Variants in ABCB1 observed in about 807,000 individuals in gnomAD.
ABCB1 encodes ATP-dependent translocase ABCB1.
A neutral mutation model predicts 142.0 loss-of-function variants in ABCB1; 69 were observed. The observed-to-expected ratio is 0.49, with a 90% CI of 0.40 to 0.59. The LOEUF is 0.59. ABCB1 is among the 20% of genes least tolerant of loss of function. The pLI, the probability that ABCB1 is intolerant of heterozygous loss-of-function variation, is 0.00. For missense variants in ABCB1, 1,326 were observed against 1,554.7 expected (o/e 0.85, Z 2.47); for synonymous variants, 532 against 539.2 (o/e 0.99, Z 0.18).
At chr7:87,549,559 C>A (rs1239586220) in intron 13 of ABCB1, 41 bp from the exon 14 acceptor site, 3 of 1,613,872 alleles carry the variant, frequency 1.9e-6, no homozygotes, top group Non-Finnish European at 2.5e-6. Flanking sequence ...TAAGGACAAG[C>A]TATCTCAGCT....
chr7:87,541,659 C>T (rs1257993218), intron 17 of ABCB1, among the ~76,000 whole-genome samples, 195 bp from the exon 18 acceptor site: 1 of 152,174 alleles, frequency 6.6e-6, no homozygotes, highest in East Asian at 1.9e-4. Flanking sequence ...ATAGGTCTAT[C>T]ATTCATAAAT....
chr7:87,695,219 G>A (rs542867802), intron 1 of ABCB1, among the ~76,000 whole-genome samples: 1 of 151,922 alleles, frequency 6.6e-6, no homozygotes, highest in Non-Finnish European at 1.5e-5. Context: ...GTTAGAAAAT[G>A]GATCAGTGTC....
At chr7:87,515,676 C>T (rs548302947) in intron 24 of ABCB1, among the ~76,000 whole-genome samples, 112 of 152,134 alleles carry the variant, frequency 7.4e-4, no homozygotes, top group African/African-American at 2.6e-3. Flanking sequence ...CTGCAACCTC[C>T]ACCCCCCAGG....
At chr7:87,636,924 T>C (rs573543885) in intron 1 of ABCB1, among the ~76,000 whole-genome samples, 1 of 152,298 alleles carries the variant, frequency 6.6e-6, no homozygotes, top group Non-Finnish European at 1.5e-5. Flanking sequence ...CTTACAAGCA[T>C]GGTGGAAGGG....
At chr7:87,542,949 A>G (rs1029112180) in intron 17 of ABCB1, among the ~76,000 whole-genome samples, 2 of 152,216 alleles carry the variant, frequency 1.3e-5, no homozygotes, top group African/African-American at 4.8e-5. Context: ...CATATACTCT[A>G]CAGAATCAGA....
In ABCB1 at chr7:87,648,711, A is replaced by G. The variant is rs28746499; in HGVS notation, c.-330-47633T>C. Among the ~76,000 whole-genome samples, 452 of 152,258 alleles carry G rather than the reference A, an allele frequency of 3.0e-3. 2 individuals carry two copies. Among genetic ancestry groups the G allele is most frequent in the African/African-American group, 0.01 (436 of 41,566 alleles). On this transcript the variant is annotated intron_variant, in intron 1 of 28. Transcript: ENST00000265724. ...GTTTTAGTATTTTTTATTTCCCGATATAACTGGTTGTAAGAAAGTTTTTAA... is the reference window on the plus strand; with the variant it reads ...GTTTTAGTATTTTTTATTTCCCGATGTAACTGGTTGTAAGAAAGTTTTTAA...
intron 8 of ABCB1, among the ~76,000 whole-genome samples, chr7:87,557,273 C>T (rs1157709317): frequency 2.6e-5 from 4 of 152,044 alleles, no homozygotes; most frequent in Non-Finnish European, 5.9e-5. Context: ...CAGCTGAAAA[C>T]CTAGAGCCCT....
At chr7:87,630,989 AATT>A (rs1304454142) in intron 1 of ABCB1, among the ~76,000 whole-genome samples, 11 of 152,176 alleles carry the variant, frequency 7.2e-5, no homozygotes, top group Non-Finnish European at 1.2e-4. Flanking sequence ...TAATTTACAT[AATT>A]ATTATTTTCT....
At chr7:87,709,744 T>C (rs1465588778) in intron 1 of ABCB1, among the ~76,000 whole-genome samples, 1 of 152,204 alleles carries the variant, frequency 6.6e-6, no homozygotes, top group East Asian at 1.9e-4. Context: ...ATACTGCCAT[T>C]GCAGTGTTTC....
intron 3 of ABCB1, among the ~76,000 whole-genome samples, chr7:87,595,059 G>T (rs1377977347): frequency 6.6e-6 from 1 of 152,030 alleles, no homozygotes; most frequent in Admixed American, 6.6e-5. Flanking sequence ...CATTAACTAG[G>T]CAGAGGTTGC....
chr7:87,654,966 A>G (rs1364154113), intron 1 of ABCB1, among the ~76,000 whole-genome samples: 1 of 152,112 alleles, frequency 6.6e-6, no homozygotes, highest in Non-Finnish European at 1.5e-5. Flanking sequence ...CAGCAAATAG[A>G]TGAAAATTAA....
chr7:87,588,545 C>T (rs941547371), intron 3 of ABCB1, among the ~76,000 whole-genome samples: 2 of 152,180 alleles, frequency 1.3e-5, no homozygotes, highest in African/African-American at 4.8e-5. Context: ...GTGTTCAATG[C>T]TCTATGTGTA....
At chr7:87,506,543 G>A (rs28401818) in intron 26 of ABCB1, among the ~76,000 whole-genome samples, 2 of 151,354 alleles carry the variant, frequency 1.3e-5, no homozygotes, top group East Asian at 3.9e-4. Context: ...CAATTTTAAT[G>A]GATGCTATCA....
chr7:87,550,701 G>A (rs1323677708), intron 10 of ABCB1, 24 bp downstream of exon 10: 1 of 1,566,566 alleles, frequency 6.4e-7, no homozygotes, highest in Non-Finnish European at 8.8e-7. Context: ...TAGATAGGTG[G>A]ATAGATGGCC....
chr7:87,640,922 C>T (rs956195953), intron 1 of ABCB1, among the ~76,000 whole-genome samples: 1 of 152,000 alleles, frequency 6.6e-6, no homozygotes, highest in African/African-American at 2.4e-5. Context: ...TGTCTTTTTA[C>T]CTATGTACTT....
intron 21 of ABCB1, among the ~76,000 whole-genome samples, chr7:87,530,790 AAAGAAAGC>A (rs202065141): frequency 0.012 from 1,373 of 118,242 alleles, 52 homozygotes; most frequent in East Asian, 0.062. Flanking sequence ...GAAAGAAAAG[AAAGAAAGC>A]AAGAAAGCAA....
At chr7:87,553,728 A>G (rs777344756) in intron 9 of ABCB1, 33 bp downstream of exon 9, 1 of 1,598,046 alleles carries the variant, frequency 6.3e-7, no homozygotes, top group Admixed American at 1.7e-5. Context: ...GCATTTTATA[A>G]TAATGGTTCA....
At chr7:87,659,154 C>T in intron 1 of ABCB1, 1 of 397,004 alleles carries the variant, frequency 2.5e-6, no homozygotes, top group Non-Finnish European at 4.9e-6. Context: ...AGAATGAGAC[C>T]CTGTCTCAAA....
chr7:87,604,436 A>G (rs1237509685), upstream of ABCB1, among the ~76,000 whole-genome samples: 4 of 152,266 alleles, frequency 2.6e-5, no homozygotes, highest in East Asian at 7.7e-4. Flanking sequence ...CAATATTGTT[A>G]TTGTGTTACA....
Sources: allele counts gnomAD v4.1 joint callset (sites outside exome capture counted in the v4.1 genomes callset), GRCh38; gene constraint gnomAD v4.1.1; transcripts MANE v1.5; gene names NCBI Gene and HGNC (gene_info 2026-07-23, HGNC 2026-07-21).